VAV2: variants seen among roughly 807,000 people sequenced by gnomAD.
VAV2 encodes guanine nucleotide exchange factor VAV2.
In VAV2, 67 loss-of-function variants were observed where a neutral mutation model predicts 132.5. The ratio of observed to expected loss-of-function variants is 0.51; its 90% confidence interval spans 0.42 to 0.62. The LOEUF is 0.62. Among genes scored for constraint, VAV2 ranks in the 20% least tolerant of loss-of-function variants. The probability of loss-of-function intolerance (pLI) is 0.00; values close to 1 mark genes in which losing one functional copy is unlikely to be tolerated. For synonymous variants in VAV2, 492 were observed against 443.5 expected (o/e 1.11, Z -1.37); for missense variants, 938 against 1,153.6 (o/e 0.81, Z 2.71).
chr9:133,797,446 C>T (rs1161473942), intron 10 of VAV2, among the ~76,000 whole-genome samples: 1 of 152,178 alleles, frequency 6.6e-6, no homozygotes, highest in South Asian at 2.1e-4. Context: ...AGCCAGAGCC[C>T]CCAGCTGAGT....
intron 2 of VAV2, among the ~76,000 whole-genome samples, chr9:133,933,952 G>A (rs150719327): frequency 1.5e-5 from 2 of 130,040 alleles, no homozygotes; most frequent in African/African-American, 3.2e-5. Flanking sequence ...TGGATGGATG[G>A]TGGATGGATG....
Position 133,794,092 on chromosome 9 carries a change from G to A in VAV2, c.1101+1576C>T, listed in dbSNP as rs776541519. On this transcript the variant is annotated intron_variant, in intron 12 of 29. Transcript: ENST00000371850. The surrounding 1 kb of genome is among the most constrained non-coding windows in gnomAD (Gnocchi z 4.6). ...CAGAGCCACTCGCCAGCCAGACACC[G>A]AGTGCTGAGAGTATGAAACGCAAGA... Among the ~76,000 whole-genome samples, 2 of 152,006 alleles carry A rather than the reference G, an allele frequency of 1.3e-5. No individual in the cohort carries two copies. The highest frequency in any genetic ancestry group is 2.9e-5 in the Non-Finnish European group (2 of 68,012).
chr9:133,851,991 A>G (rs1002098693), intron 3 of VAV2, among the ~76,000 whole-genome samples: 2 of 150,376 alleles, frequency 1.3e-5, no homozygotes, highest in South Asian at 2.1e-4. Flanking sequence ...ATGGATGGAC[A>G]GATGGATACA....
intron 3 of VAV2, among the ~76,000 whole-genome samples, chr9:133,845,653 G>C (rs1045506217): frequency 6.6e-6 from 1 of 152,216 alleles, no homozygotes; most frequent in African/African-American, 2.4e-5. Flanking sequence ...AGGATCGGCT[G>C]TGACAGGGAC....
intron 2 of VAV2, among the ~76,000 whole-genome samples, chr9:133,933,457 A>ATGGG (rs1840756527): frequency 7.4e-6 from 1 of 135,458 alleles, no homozygotes; most frequent in African/African-American, 2.9e-5. Context: ...GGATGAATGG[A>ATGGG]TGGGTGGATG....
chr9:133,892,068 T>G (rs1305576187), intron 2 of VAV2, among the ~76,000 whole-genome samples: 6 of 68,766 alleles, frequency 8.7e-5, no homozygotes, highest in Non-Finnish European at 1.1e-4. Context: ...ATGAAAGAGG[T>G]GGGGTGTGGG....
rs569194194 is a variant in VAV2 at position 133,769,594 on chromosome 9, T to A, written c.2348-91A>T. 7.6e-7 allele frequency: 1 copy of A among 1,309,232 alleles called. No homozygotes were observed. The highest frequency in any genetic ancestry group is 1.5e-5 in the African/African-American group (1 of 65,736). The allele number at this position is 1,309,232 out of a possible 1,614,324, so 81.1% of individuals were successfully genotyped here. A position where few individuals can be genotyped will look rare whatever the true frequency, so the allele number is the denominator to read the frequency against. On this transcript the variant is annotated intron_variant, in intron 27 of 29. Coordinates refer to ENST00000371850, the MANE Select transcript of VAV2 (RefSeq NM_001134398.2). This position sits in a 1 kb window ranked among gnomAD's most constrained non-coding sequence, Gnocchi z 8.1. ...CAGCTACAGGCCGGGGGGCATGGGG[T>A]GGGGCAGGCCCTTTGGCAGGAGAGG...
Position 133,935,136 on chromosome 9 carries a change from G to A in VAV2, c.321+3967C>T, listed in dbSNP as rs967256946. Among the ~76,000 whole-genome samples, 13 of 152,090 alleles carry A rather than the reference G, an allele frequency of 8.5e-5. No individual in the cohort carries two copies. Among genetic ancestry groups the A allele is most frequent in the African/African-American group, 3.1e-4 (13 of 41,408 alleles). ...GGGCAGGCCAAGGGTGGGAGGAACAGGGGGAGGGCACGCAGCCATATCTTC... is the reference window on the plus strand; with the variant it reads ...GGGCAGGCCAAGGGTGGGAGGAACAAGGGGAGGGCACGCAGCCATATCTTC... On this transcript the variant is annotated intron_variant, in intron 2 of 29. Coordinates refer to ENST00000371850, the MANE Select transcript of VAV2 (RefSeq NM_001134398.2). The surrounding 1 kb of genome is among the most constrained non-coding windows in gnomAD (Gnocchi z 5.2).
chr9:133,871,154 G>A (rs1012004900), intron 2 of VAV2, among the ~76,000 whole-genome samples: 2 of 151,546 alleles, frequency 1.3e-5, no homozygotes, highest in Non-Finnish European at 2.9e-5. Context: ...GCAGATGGAT[G>A]GGTGGGCAGA....
chr9:133,977,616 G>A (rs900643772), intron 1 of VAV2, among the ~76,000 whole-genome samples: 2 of 152,150 alleles, frequency 1.3e-5, no homozygotes, highest in South Asian at 2.1e-4. Flanking sequence ...CCCCATCCAC[G>A]ACAGCTGTCA....
At chr9:133,872,495 AC>A (rs1396301568) in intron 2 of VAV2, among the ~76,000 whole-genome samples, 3 of 152,238 alleles carry the variant, frequency 2.0e-5, no homozygotes, top group Non-Finnish European at 2.9e-5. Flanking sequence ...ATGTGGGGGC[AC>A]AGCCTCTCCT....
At chr9:133,878,343 G>A (rs537254705) in intron 2 of VAV2, among the ~76,000 whole-genome samples, 1 of 152,336 alleles carries the variant, frequency 6.6e-6, no homozygotes, top group East Asian at 1.9e-4. Flanking sequence ...GATCGAGGCT[G>A]TGTGTTTCTG....
intron 2 of VAV2, among the ~76,000 whole-genome samples, chr9:133,913,816 T>A (rs907837081): frequency 2.0e-5 from 3 of 152,078 alleles, no homozygotes; most frequent in African/African-American, 4.8e-5. Flanking sequence ...ACACTGCCAT[T>A]GGGGGCAGCC....
intron 12 of VAV2, 116 bp downstream of exon 12, chr9:133,795,552 G>C: frequency 3.0e-6 from 4 of 1,312,024 alleles, no homozygotes; most frequent in Middle Eastern, 3.7e-4. Context: ...AACTCCTGCT[G>C]TCCCAGGAAA....
chr9:133,820,620 C>A (rs977878754), intron 4 of VAV2, among the ~76,000 whole-genome samples: 1 of 152,040 alleles, frequency 6.6e-6, no homozygotes, highest in African/African-American at 2.4e-5. Flanking sequence ...CCACCGCGCC[C>A]GGCCTCCATA....
chr9:133,836,484 T>C (rs1343070750), intron 3 of VAV2, among the ~76,000 whole-genome samples: 1 of 152,234 alleles, frequency 6.6e-6, no homozygotes, highest in Non-Finnish European at 1.5e-5. Flanking sequence ...AGAATCAAAA[T>C]TCTCATTATG....
At chr9:133,817,979 T>C (rs1288028333) in intron 4 of VAV2, among the ~76,000 whole-genome samples, 7 of 152,006 alleles carry the variant, frequency 4.6e-5, no homozygotes, top group Admixed American at 6.6e-5. Context: ...CCAGAAGAGA[T>C]TGACATTTGA....
At chr9:133,889,451 G>A (rs1195466286) in intron 2 of VAV2, among the ~76,000 whole-genome samples, 2 of 152,102 alleles carry the variant, frequency 1.3e-5, no homozygotes, top group African/African-American at 4.8e-5. Context: ...GCGGTCCTCG[G>A]TTCCCTTCTC....
At chr9:133,963,369 G>A (rs1355343032) in intron 1 of VAV2, among the ~76,000 whole-genome samples, 1 of 152,216 alleles carries the variant, frequency 6.6e-6, no homozygotes, top group Non-Finnish European at 1.5e-5. Context: ...CATCAAGCAG[G>A]GAGGGCTGGG....
Sources: allele counts gnomAD v4.1 joint callset (sites outside exome capture counted in the v4.1 genomes callset), GRCh38; gene constraint gnomAD v4.1.1; non-coding constraint Gnocchi (gnomAD v3.1); transcripts MANE v1.5; gene names NCBI Gene and HGNC (gene_info 2026-07-23, HGNC 2026-07-21).